AP3D1: variants seen among roughly 807,000 people sequenced by gnomAD.
The protein encoded by AP3D1 is AP-3 complex subunit delta-1.
Under a neutral mutation model 147.6 loss-of-function variants are expected in AP3D1, and 51 were observed. The observed-to-expected ratio is 0.35, with a 90% CI of 0.28 to 0.44. AP3D1 has a LOEUF of 0.44. AP3D1 is among the 20% of genes least tolerant of loss of function. The pLI, the probability that AP3D1 is intolerant of heterozygous loss-of-function variation, is 1.00. For missense variants in AP3D1, 1,421 were observed against 1,624.2 expected (o/e 0.87, Z 2.15); for synonymous variants, 760 against 663.0 (o/e 1.15, Z -2.25).
At chr19:2,145,354 C>T (rs142963616) in intron 1 of AP3D1, among the ~76,000 whole-genome samples, 1 of 152,358 alleles carries the variant, frequency 6.6e-6, no homozygotes, top group East Asian at 1.9e-4. Context: ...TGTCTCACTG[C>T]CACGTGGACA....
Position 2,116,694 on chromosome 19 carries a change from C to A in AP3D1, c.1912G>T (p.Asp638Tyr). Residue 638 changes from aspartate (D) to tyrosine (Y), a missense_variant, in exon 17 of 32, where the codon GAC (aspartate) becomes TAC (tyrosine). Around this residue, in one of 6 missense-constraint regions of AP3D1, gnomAD observed 791 missense variants for 761.4 expected, o/e 1.04. Coordinates refer to ENST00000643116, the MANE Select transcript of AP3D1 (RefSeq NM_001261826.3). ...TGGAAGACGGCCCTGGGCCTCTCGT[C>A]CTCTGACTCGCTGTCCGAGAGTGGC... ...NEPLSDSESEDERPRAVFHEE... is the reference protein window; with the variant it reads ...NEPLSDSESEYERPRAVFHEE... The A allele has an allele frequency of 1.2e-6, 2 of 1,611,128 alleles. No individual in the cohort carries two copies. Among genetic ancestry groups the A allele is most frequent in the Non-Finnish European group, 1.7e-6 (2 of 1,178,978 alleles).
rs924954140 is a variant in AP3D1, at chr19:2,108,969, G to C, written c.3472+117C>G. 13 of 1,505,086 alleles carry C rather than the reference G, an allele frequency of 8.6e-6. No homozygotes were observed. The African/African-American group carries it at 1.7e-4, about 20-fold the overall frequency. 93.2% of individuals were successfully genotyped at this position (1,505,086 alleles called of 1,614,324 possible). On this transcript the variant is annotated intron_variant, in intron 30 of 31. Coordinates refer to ENST00000643116, the MANE Select transcript of AP3D1 (RefSeq NM_001261826.3). ...AGGCCTCGGGGCCACCAGCCACCCG[G>C]GATCCCAAAGGGTGTGAGTTTGGGT...
At position 2,109,970 on chromosome 19, in the gene AP3D1, T is replaced by A; in HGVS notation, c.3265-12A>T. On this transcript the variant is annotated splice_polypyrimidine_tract_variant and intron_variant, in intron 28 of 31. Coordinates refer to ENST00000643116, the MANE Select transcript of AP3D1 (RefSeq NM_001261826.3). ...GCACCCTCGTCATTCTGCGGTGGAGTGAAGGTGGTGCAGTTGAGAGGGGAG... is the reference window on the plus strand; with the variant it reads ...GCACCCTCGTCATTCTGCGGTGGAGAGAAGGTGGTGCAGTTGAGAGGGGAG... 1 of 1,612,366 alleles carries A rather than the reference T, an allele frequency of 6.2e-7. No homozygotes were observed. Among genetic ancestry groups the A allele is most frequent in the African/African-American group, 1.3e-5 (1 of 74,628 alleles).
chr19:2,120,021 C>T (rs958442364), intron 14 of AP3D1, among the ~76,000 whole-genome samples: 7 of 152,028 alleles, frequency 4.6e-5, no homozygotes, highest in Non-Finnish European at 4.4e-5. Context: ...GGGACCCTTT[C>T]GGGATCCCAG....
chr19:2,111,416 C>G, intron 25 of AP3D1, 84 bp from the exon 26 acceptor site: 2 of 1,517,152 alleles, frequency 1.3e-6, no homozygotes, highest in Non-Finnish European at 1.8e-6. Context: ...TACCCCAGGT[C>G]GAATGCCACG....
chr19:2,116,068 G>C, intron 18 of AP3D1, 139 bp downstream of exon 18: 1 of 826,418 alleles, frequency 1.2e-6, no homozygotes, highest in South Asian at 1.7e-5. Flanking sequence ...CCCCTCAAAG[G>C]CTCCGCACAG....
At chr19:2,114,637 AC>A in intron 21 of AP3D1, 110 bp downstream of exon 21, 1 of 298,364 alleles carries the variant, frequency 3.4e-6, no homozygotes, top group Non-Finnish European at 6.4e-6. Flanking sequence ...CCCGCACCCC[AC>A]CCCAGCCTGC....
rs188698303 is a variant in AP3D1, at chr19:2,131,634, C to A, written c.462+837G>T. Among the ~76,000 whole-genome samples the A allele has an allele frequency of 6.9e-3, 991 of 143,602 alleles. 61 individuals are homozygous for A. Among genetic ancestry groups the A allele is most frequent in the African/African-American group, 0.026 (916 of 34,734 alleles). The allele number at this position is 143,602 out of a possible 152,430, so 94.2% of individuals were successfully genotyped here. A position where few individuals can be genotyped will look rare whatever the true frequency, so the allele number is the denominator to read the frequency against. ...ACGCGGGGACAGCGCCCATCGGCCA[C>A]GATCTAGACACCTCCAGGCGGACAG... On this transcript the variant is annotated intron_variant, in intron 5 of 31. Transcript: ENST00000643116.
At chr19:2,114,083 G>T in intron 22 of AP3D1, 42 bp downstream of exon 22, 1 of 1,536,032 alleles carries the variant, frequency 6.5e-7, no homozygotes, top group Non-Finnish European at 8.8e-7. Flanking sequence ...CACGGCAAGG[G>T]AGGGGAATGG....
At chr19:2,157,217 C>T (rs954943101) in intron 1 of AP3D1, among the ~76,000 whole-genome samples, 12 of 151,262 alleles carry the variant, frequency 7.9e-5, no homozygotes, top group East Asian at 2.0e-4. Context: ...CCGAGGCGGG[C>T]GGATCACGAG....
chr19:2,163,785 G>A (rs2019797899), intron 1 of AP3D1, among the ~76,000 whole-genome samples: 1 of 151,240 alleles, frequency 6.6e-6, no homozygotes, highest in Non-Finnish European at 1.5e-5. Context: ...TGCGTGCGTG[G>A]ATTCGGGCGG....
chr19:2,158,265 C>A (rs2019665146), intron 1 of AP3D1, among the ~76,000 whole-genome samples: 1 of 152,000 alleles, frequency 6.6e-6, no homozygotes, highest in Non-Finnish European at 1.5e-5. Flanking sequence ...ACCACATTAG[C>A]CAGGATGGTC....
intron 28 of AP3D1, 32 bp downstream of exon 28, chr19:2,110,104 G>A (rs781601590): frequency 3.9e-5 from 62 of 1,604,974 alleles, no homozygotes; most frequent in Non-Finnish European, 4.8e-5. Context: ...CTGCAGAGTC[G>A]GCTCTTCAAC....
chr19:2,137,810 G>A lies in AP3D1; in HGVS notation c.193-3C>T, dbSNP rs966797968. The A allele has an allele frequency of 1.2e-5, 20 of 1,613,646 alleles. No homozygotes were observed. Among genetic ancestry groups the A allele is most frequent in the Non-Finnish European group, 1.7e-5 (20 of 1,179,856 alleles). The stretch of plus-strand genomic sequence containing the variant: ...ATGTCGTATCCCAACATCTGTAACT[G>A]TTAAGGGACGCACAGGAAATTGCAC... On this transcript the variant is annotated splice_region_variant and splice_polypyrimidine_tract_variant and intron_variant, in intron 2 of 31. Coordinates refer to ENST00000643116, the MANE Select transcript of AP3D1 (RefSeq NM_001261826.3).
At chr19:2,143,680 T>C (rs967189759) in intron 1 of AP3D1, among the ~76,000 whole-genome samples, 1 of 151,838 alleles carries the variant, frequency 6.6e-6, no homozygotes, top group African/African-American at 2.4e-5. Flanking sequence ...GGTAAGAGGA[T>C]TGATTAAGCC....
chr19:2,115,176 G>A (rs2018406510), intron 20 of AP3D1, 43 bp downstream of exon 20: 1 of 1,580,978 alleles, frequency 6.3e-7, no homozygotes, highest in Non-Finnish European at 8.6e-7. Flanking sequence ...CACACATGCG[G>A]AAAGATAGAC....
At chr19:2,124,367 C>T (rs1361720385) in intron 9 of AP3D1, among the ~76,000 whole-genome samples, 2 of 152,224 alleles carry the variant, frequency 1.3e-5, no homozygotes, top group Admixed American at 6.5e-5. Flanking sequence ...TCCCCAACAT[C>T]CCCGGAGCCA....
chr19:2,158,258 A>G (rs961454486), intron 1 of AP3D1, among the ~76,000 whole-genome samples: 43 of 151,512 alleles, frequency 2.8e-4, no homozygotes, highest in Non-Finnish European at 4.7e-4. Flanking sequence ...GGGTTTCACC[A>G]CATTAGCCAG....
chr19:2,138,201 G>A (rs2019128023), intron 2 of AP3D1, among the ~76,000 whole-genome samples: 1 of 152,194 alleles, frequency 6.6e-6, no homozygotes, highest in Non-Finnish European at 1.5e-5. Context: ...GCCAGAGGGA[G>A]GAGTGCCTGT....
Sources: gnomAD v4.1 joint callset for allele counts (sites outside exome capture counted in the v4.1 genomes callset) on GRCh38, gnomAD v4.1.1 for gene constraint, gnomAD v4.1.1 regional missense constraint, MANE v1.5 for transcripts, NCBI Gene and HGNC (gene_info 2026-07-23, HGNC 2026-07-21) for gene names.